Variants in NUDC observed in about 807,000 individuals in gnomAD.
The protein encoded by NUDC is nuclear distribution C, dynein complex regulator.
In NUDC, 14 loss-of-function variants were observed where a neutral mutation model predicts 45.0. The ratio of observed to expected loss-of-function variants is 0.31; its 90% CI spans 0.21 to 0.49. NUDC has a LOEUF of 0.49. NUDC is among the 20% of genes least tolerant of loss of function. The pLI, the probability that NUDC is intolerant of heterozygous loss-of-function variation, is 0.99. For missense variants in NUDC, 323 were observed against 426.2 expected, an observed-to-expected ratio of 0.76 and a Z score of 2.13; for synonymous variants, 153 against 156.7, an observed-to-expected ratio of 0.98 and a Z score of 0.17.
chr1:26,945,739 C>G (rs181586051), intron 8 of NUDC, 53 bp downstream of exon 8: 1 of 1,286,846 alleles, frequency 7.8e-7, no homozygotes, highest in African/African-American at 1.5e-5. Flanking sequence ...GGGGCTTAGA[C>G]TTCGGTGACA....
chr1:26,945,726 C>A, intron 8 of NUDC, 40 bp downstream of exon 8: 1 of 1,486,968 alleles, frequency 6.7e-7, no homozygotes, highest in Non-Finnish European at 9.4e-7. Flanking sequence ...CCGTGGGTGC[C>A]TGGGGGCTTA....
chr1:26,945,721 G>A (rs762162041), intron 8 of NUDC, 35 bp downstream of exon 8: 1 of 1,503,758 alleles, frequency 6.7e-7, no homozygotes, highest in Non-Finnish European at 9.3e-7. Context: ...GGGGACCGTG[G>A]GTGCCTGGGG....
At chr1:26,928,884 T>C (rs567149651) in intron 2 of NUDC, among the ~76,000 whole-genome samples, 14 of 152,282 alleles carry the variant, frequency 9.2e-5, no homozygotes, top group African/African-American at 3.4e-4. Flanking sequence ...AGTTAAAGAA[T>C]ACAACTATCG....
intron 1 of NUDC, 42 bp from the exon 2 acceptor site, chr1:26,924,047 C>A: frequency 6.3e-7 from 1 of 1,587,874 alleles, no homozygotes; most frequent in Non-Finnish European, 8.6e-7. Context: ...GAAGGGCTCC[C>A]AAATGCAGCT....
chr1:26,937,166 A>G (rs944163899), intron 2 of NUDC, among the ~76,000 whole-genome samples: 29 of 151,882 alleles, frequency 1.9e-4, no homozygotes, highest in African/African-American at 5.8e-4. Context: ...AGGGCTAGGT[A>G]TGGGGGTGGG....
At chr1:26,927,921 A>G (rs971633820) in intron 2 of NUDC, among the ~76,000 whole-genome samples, 3 of 152,238 alleles carry the variant, frequency 2.0e-5, no homozygotes, top group Non-Finnish European at 2.9e-5. Flanking sequence ...AACAAAACAC[A>G]TTAATATTTC....
chr1:26,931,955 G>A (rs2082187411), intron 2 of NUDC, among the ~76,000 whole-genome samples: 1 of 149,836 alleles, frequency 6.7e-6, no homozygotes, highest in Non-Finnish European at 1.5e-5. Flanking sequence ...TAAAATGTTG[G>A]GATTATAGGT....
chr1:26,944,403 G>A (rs1380848642), intron 6 of NUDC, among the ~76,000 whole-genome samples: 1 of 151,972 alleles, frequency 6.6e-6, no homozygotes, highest in Non-Finnish European at 1.5e-5. Flanking sequence ...GTCTCATGTT[G>A]CCCAGGCTGG....
At chr1:26,922,175 C>G (rs2082097105) in intron 1 of NUDC, 1 of 576,356 alleles carries the variant, frequency 1.7e-6, no homozygotes, top group African/African-American at 1.9e-5. Flanking sequence ...TAGGATCCCC[C>G]TTTAGTTTCA....
chr1:26,931,336 C>A (rs1006306139), intron 2 of NUDC, among the ~76,000 whole-genome samples: 1 of 149,974 alleles, frequency 6.7e-6, no homozygotes, highest in African/African-American at 2.5e-5. Flanking sequence ...CCTCAGCCTC[C>A]CAAAGTGCTG....
chr1:26,906,980 C>T (rs1178810280), intron 2 of NUDC, among the ~76,000 whole-genome samples: 1 of 152,206 alleles, frequency 6.6e-6, no homozygotes, highest in Non-Finnish European at 1.5e-5. Context: ...GAGGAGGTCT[C>T]CTTTGTTAAC....
chr1:26,921,751 C>G lies in NUDC; in HGVS notation c.-98C>G. 3.8e-6 allele frequency: 5 copies of G among 1,311,288 alleles called. No homozygotes were observed. The highest frequency in any genetic ancestry group is 4.3e-6 in the Non-Finnish European group (4 of 936,288). 81.2% of individuals were successfully genotyped at this position (1,311,288 alleles called of 1,614,324 possible). A position where few individuals can be genotyped will look rare whatever the true frequency, so the allele number is the denominator to read the frequency against. On this transcript the variant is annotated 5_prime_UTR_variant, in exon 1 of 9. Transcript: ENST00000321265. ...GTGTTTCCGGCTCCGCTGCGGAAGG[C>G]GGACGACTAGAGTCGTTGGGCCCGG...
intron 3 of NUDC, chr1:26,914,112 A>C: frequency 1.9e-6 from 1 of 515,436 alleles, no homozygotes; most frequent in East Asian, 3.3e-5. Flanking sequence ...ATGGTGGGGA[A>C]GTGGTGGGGG....
intron 4 of NUDC, 33 bp from the exon 5 acceptor site, chr1:26,942,627 A>G (rs1346099222): frequency 3.7e-6 from 6 of 1,613,274 alleles, no homozygotes; most frequent in African/African-American, 1.3e-5. Flanking sequence ...TTGTCTGTCA[A>G]GTAAGTAGCT....
Position 26,927,187 on chromosome 1 carries a change from C to CGTGTGTGTGTGTGT in NUDC, c.159+3022_159+3035dup, listed in dbSNP as rs71010306. Among the ~76,000 whole-genome samples, 436 of 126,786 alleles carry CGTGTGTGTGTGTGT rather than the reference C, an allele frequency of 3.4e-3. 30 individuals carry two copies. Among genetic ancestry groups the CGTGTGTGTGTGTGT allele is most frequent in the African/African-American group, 0.014 (419 of 30,104 alleles). 83.2% of individuals were successfully genotyped at this position (126,786 alleles called of 152,430 possible). A position where few individuals can be genotyped will look rare whatever the true frequency, so the allele number is the denominator to read the frequency against. On this transcript the variant is annotated intron_variant, in intron 2 of 8. Coordinates refer to ENST00000321265, the MANE Select transcript of NUDC (RefSeq NM_006600.4). ...GCTGTAAGAAGGGAGAGAGATGAACCGTGTGTGTGTGTGTCAGGGTCTTGC... is the reference window on the plus strand; with the variant it reads ...GCTGTAAGAAGGGAGAGAGATGAACCGTGTGTGTGTGTGTGTGTGTGTGTGTGTCAGGGTCTTGC...
intron 1 of NUDC, among the ~76,000 whole-genome samples, chr1:26,901,436 G>A (rs1034231270): frequency 2.8e-4 from 35 of 125,784 alleles, no homozygotes; most frequent in African/African-American, 1.0e-3. Context: ...ATGGAGCCTC[G>A]CTCTGTCATC....
chr1:26,922,026 G>T, intron 1 of NUDC, 97 bp downstream of exon 1: 1 of 1,294,024 alleles, frequency 7.7e-7, no homozygotes, highest in East Asian at 2.5e-5. Context: ...CCAGCGGCTC[G>T]CGGGCTTCTG....
intron 2 of NUDC, among the ~76,000 whole-genome samples, chr1:26,907,586 G>T (rs2082007897): frequency 6.6e-6 from 1 of 151,034 alleles, no homozygotes. Context: ...TGGAGTTAAT[G>T]CGGGACACAG....
At chr1:26,928,233 T>TG (rs2082150052) in intron 2 of NUDC, among the ~76,000 whole-genome samples, 1 of 152,198 alleles carries the variant, frequency 6.6e-6, no homozygotes, top group Non-Finnish European at 1.5e-5. Flanking sequence ...TAATAAGTCA[T>TG]GCTGCTACAT....
Sources: allele counts gnomAD v4.1 joint callset (sites outside exome capture counted in the v4.1 genomes callset), GRCh38; gene constraint gnomAD v4.1.1; transcripts MANE v1.5; gene names NCBI Gene and HGNC (gene_info 2026-07-23, HGNC 2026-07-21).